The following JPH2 variants were observed in gnomAD, a reference collection of about 807,000 sequenced individuals.
JPH2 encodes junctophilin-2.
Under a neutral mutation model 55.9 loss-of-function variants are expected in JPH2, and 38 were observed. The ratio of observed to expected loss-of-function variants is 0.68; its 90% CI spans 0.52 to 0.89. JPH2 has a LOEUF of 0.89. Ranked by LOEUF, JPH2 falls within the 40% of genes least tolerant of loss-of-function variation. JPH2 has a pLI of 0.00. For synonymous variants in JPH2, 480 were observed against 472.4 expected, an observed-to-expected ratio of 1.02 and a Z score of -0.21; for missense variants, 964 against 1,037.6, an observed-to-expected ratio of 0.93 and a Z score of 0.97.
intron 1 of JPH2, among the ~76,000 whole-genome samples, chr20:44,181,849 A>G (rs1332551656): frequency 6.6e-6 from 1 of 152,144 alleles, no homozygotes; most frequent in African/African-American, 2.4e-5. Flanking sequence ...GTCCCTGCCT[A>G]GCACCCAACA....
intron 1 of JPH2, among the ~76,000 whole-genome samples, chr20:44,166,406 A>C (rs2072656213): frequency 1.3e-5 from 2 of 152,248 alleles, no homozygotes; most frequent in African/African-American, 2.4e-5. Context: ...AAGATGGTAA[A>C]CTGGGAGAAA....
intron 2 of JPH2, among the ~76,000 whole-genome samples, chr20:44,149,962 G>GAAA (rs374913556): frequency 1.7e-5 from 2 of 116,782 alleles, no homozygotes; most frequent in Non-Finnish European, 1.8e-5. Flanking sequence ...GGGCGACAGA[G>GAAA]GAAAAAAAAA....
chr20:44,116,489 G>A (rs2072194131), intron 3 of JPH2, 103 bp from the exon 4 acceptor site: 1 of 1,354,672 alleles, frequency 7.4e-7, no homozygotes, highest in Non-Finnish European at 1.0e-6. Context: ...GGGCTCAGTC[G>A]GCACTCACAT....
chr20:44,129,040 A>C (rs1271470055), intron 2 of JPH2, among the ~76,000 whole-genome samples: 1 of 152,220 alleles, frequency 6.6e-6, no homozygotes, highest in Non-Finnish European at 1.5e-5. Context: ...CCTGGCACAC[A>C]GCAAGCTCGA....
rs117392123 is a variant in JPH2 at position 44,141,309 on chromosome 20, G to A, written c.1169+18309C>T. On this transcript the variant is annotated intron_variant, in intron 2 of 5. Coordinates refer to ENST00000372980, the MANE Select transcript of JPH2 (RefSeq NM_020433.5). ...AAGCTGTTGCATTTGGACCTCCGCT[G>A]CCTGGAATGCAGAGGTGAGGCTAGG... Among the ~76,000 whole-genome samples the A allele has an allele frequency of 2.8e-3, 424 of 152,284 alleles. 1 individual carries two copies. Among genetic ancestry groups the A allele is most frequent in the Non-Finnish European group, 2.9e-3 (195 of 68,022 alleles).
At position 44,129,801 on chromosome 20, in the gene JPH2, T is replaced by C. The variant is rs548059630; in HGVS notation, c.1170-11178A>G. On this transcript the variant is annotated intron_variant, in intron 2 of 5. Transcript: ENST00000372980. ...CTAAATGTAACCACAGGTGTCCTTA[T>C]AAGAGGGAGATTTGATAACAGAAGA... Among the ~76,000 whole-genome samples, 11 of 152,090 alleles carry C rather than the reference T, an allele frequency of 7.2e-5. No individual in the cohort carries two copies. In the South Asian group the frequency reaches 2.1e-3, roughly 29 times the overall value.
At chr20:44,145,542 T>C (rs1296256724) in intron 2 of JPH2, among the ~76,000 whole-genome samples, 1 of 148,730 alleles carries the variant, frequency 6.7e-6, no homozygotes, top group East Asian at 2.0e-4. Context: ...AGGAGGAGGC[T>C]GCAATAAGTC....
At chr20:44,175,377 C>T (rs906129535) in intron 1 of JPH2, among the ~76,000 whole-genome samples, 1 of 152,238 alleles carries the variant, frequency 6.6e-6, no homozygotes, top group African/African-American at 2.4e-5. Flanking sequence ...CGCATGGTCT[C>T]ATAAATTAAC....
rs957943125 is a variant in JPH2 at position 44,107,249 on chromosome 20, A to G, written c.*6269T>C. ...ACTGCCTCTTATGGCCACCATATCCATTTCCTCAATAAGCACTCACTGAAT... is the reference window on the plus strand; with the variant it reads ...ACTGCCTCTTATGGCCACCATATCCGTTTCCTCAATAAGCACTCACTGAAT... On this transcript the variant is annotated 3_prime_UTR_variant, in exon 6 of 6. Transcript: ENST00000372980. Among the ~76,000 whole-genome samples, 12 of 151,964 alleles carry G rather than the reference A, an allele frequency of 7.9e-5. No homozygotes were observed. Among genetic ancestry groups the G allele is most frequent in the Admixed American group, 6.6e-4 (10 of 15,266 alleles).
chr20:44,135,864 G>T (rs1486241858), intron 2 of JPH2, among the ~76,000 whole-genome samples: 1 of 152,212 alleles, frequency 6.6e-6, no homozygotes, highest in Non-Finnish European at 1.5e-5. Flanking sequence ...CAATCATTGA[G>T]AGTTAGTCAT....
chr20:44,176,738 G>T, intron 1 of JPH2: 1 of 400,642 alleles, frequency 2.5e-6, no homozygotes, highest in Non-Finnish European at 3.4e-6. Flanking sequence ...AGGCTGCAGT[G>T]AGCCGTGATT....
rs2072599099 is a variant in JPH2, at chr20:44,160,159, C to T, written c.628G>A (p.Ala210Thr). The change falls in exon 2 of 6, where the codon GCG becomes ACG. Residue 210 changes from alanine to threonine, a missense_variant. Physicochemically the swap from Ala to Thr is moderately conservative, Grantham distance 58 (BLOSUM62 0). Transcript: ENST00000372980. This position sits in a 1 kb window ranked among gnomAD's most constrained non-coding sequence, Gnocchi z 4.9. Reference sequence around the variant, plus strand: ...CCGCCCTTGGGCGCCCGCGCGGCCGCCTCGGCATTGGCCAGGAGGCTGAGC... The same window carrying T: ...CCGCCCTTGGGCGCCCGCGCGGCCGTCTCGGCATTGGCCAGGAGGCTGAGC... The part of the protein sequence containing the change: ...FALSLLANAE[A>T]AARAPKGGGL... 7.0e-7 allele frequency: 1 copy of T among 1,425,938 alleles called. No individual in the cohort carries two copies. The allele number at this position is 1,425,938 out of a possible 1,614,324, so 88.3% of individuals were successfully genotyped here.
intron 3 of JPH2, 112 bp downstream of exon 3, chr20:44,118,393 G>A (rs1390174441): frequency 2.1e-5 from 18 of 856,104 alleles, no homozygotes; most frequent in Non-Finnish European, 3.6e-5. Context: ...CAGTTTCTGA[G>A]ACTCACGGGC....
chr20:44,175,753 C>G lies in JPH2; in HGVS notation c.379+10574G>C, dbSNP rs570865074. ...CCAGGAGGCATCTCCTGGGTGCTGA[C>G]AGCCCTGGAGCCTGTGGCCTGGGGA... On this transcript the variant is annotated intron_variant, in intron 1 of 5. Coordinates refer to ENST00000372980, the MANE Select transcript of JPH2 (RefSeq NM_020433.5). 3.9e-4 allele frequency among the ~76,000 whole-genome samples: 60 copies of G among 152,356 alleles called. No individual in the cohort carries two copies. In the South Asian group the frequency reaches 0.012, roughly 30 times the overall value.
At position 44,186,871 on chromosome 20, in the gene JPH2, C is replaced by T. The variant is rs955951179; in HGVS notation, c.-166G>A. On this transcript the variant is annotated 5_prime_UTR_variant, in exon 1 of 6. Transcript: ENST00000372980. ...CCAGCAGAGGCTGAAAGAGCCCCGG[C>T]GCCAAGTCAGCACCGGGTCGGCTAG... is the stretch of plus-strand genomic sequence containing the variant. 18 of 695,626 alleles carry T rather than the reference C, an allele frequency of 2.6e-5. No individual in the cohort carries two copies. The East Asian group carries it at 4.6e-4, about 18-fold the overall frequency. 43.1% of individuals were successfully genotyped at this position (695,626 alleles called of 1,614,324 possible).
intron 2 of JPH2, among the ~76,000 whole-genome samples, chr20:44,139,625 A>G (rs1030509655): frequency 3.3e-5 from 5 of 152,118 alleles, no homozygotes; most frequent in Admixed American, 3.3e-4. Context: ...TGTAAGAAAG[A>G]GAAGAACAGG....
Position 44,134,211 on chromosome 20 carries a change from A to T in JPH2, c.1170-15588T>A, listed in dbSNP as rs868311455. ...ATATTTATTATAAATATATAAATAT[A>T]TATTTATTATAAATATATATAAATA... On this transcript the variant is annotated intron_variant, in intron 2 of 5. Transcript: ENST00000372980. 4.1e-4 allele frequency among the ~76,000 whole-genome samples: 14 copies of T among 33,972 alleles called. 2 individuals are homozygous for T. The highest frequency in any genetic ancestry group is 8.3e-4 in the African/African-American group (5 of 6,038). The allele number at this position is 33,972 out of a possible 152,430, so 22.3% of individuals were successfully genotyped here.
chr20:44,152,356 C>A (rs911583368), intron 2 of JPH2, among the ~76,000 whole-genome samples: 2 of 152,182 alleles, frequency 1.3e-5, no homozygotes, highest in South Asian at 4.1e-4. Context: ...ACCTTCCTCA[C>A]AGGGTTGTTT....
At chr20:44,179,931 T>C (rs1428397350) in intron 1 of JPH2, among the ~76,000 whole-genome samples, 1 of 152,222 alleles carries the variant, frequency 6.6e-6, no homozygotes, top group Non-Finnish European at 1.5e-5. Context: ...GTTTAAACAA[T>C]ACAACAGGCT....
Sources: allele counts gnomAD v4.1 joint callset (sites outside exome capture counted in the v4.1 genomes callset), GRCh38; gene constraint gnomAD v4.1.1; non-coding constraint Gnocchi (gnomAD v3.1); transcripts MANE v1.5; gene names NCBI Gene and HGNC (gene_info 2026-07-23, HGNC 2026-07-21).